The following CELF2 variants were observed in gnomAD, a reference collection of about 807,000 sequenced individuals.
CELF2 encodes the protein CUGBP Elav-like family member 2, also known as CUG triplet repeat RNA-binding protein 2.
Under a neutral mutation model 62.6 loss-of-function variants are expected in CELF2, and 8 were observed. The observed-to-expected ratio is 0.13, with a 90% CI of 0.07 to 0.23. CELF2 has a LOEUF of 0.23. Ranked by LOEUF, CELF2 falls within the 10% of genes least tolerant of loss-of-function variation. The pLI is 1.00. For missense variants in CELF2, 333 were observed against 671.0 expected, an observed-to-expected ratio of 0.50 and a Z score of 5.56; for synonymous variants, 258 against 250.0, an observed-to-expected ratio of 1.03 and a Z score of -0.30.
chr10:10,852,802 C>T (rs553122018), intron 1 of CELF2, among the ~76,000 whole-genome samples: 4 of 152,312 alleles, frequency 2.6e-5, no homozygotes, highest in African/African-American at 9.6e-5. Flanking sequence ...TTTAAACACA[C>T]ACACACCAAG....
At chr10:10,769,567 A>G in the CELF2 span, among the ~76,000 whole-genome samples, 1 of 152,170 alleles carries the variant, frequency 6.6e-6, no homozygotes, top group African/African-American at 2.4e-5. Context: ...GTTCAAGACC[A>G]GCCTGGCCAA....
At chr10:10,682,627 C>A in the CELF2 span, among the ~76,000 whole-genome samples, 1 of 151,948 alleles carries the variant, frequency 6.6e-6, no homozygotes, top group Non-Finnish European at 1.5e-5. Context: ...AAACATTTCT[C>A]TTGTTTCTCT....
upstream of CELF2, chr10:10,796,933 G>C (rs779446265): frequency 2.0e-6 from 2 of 978,450 alleles, no homozygotes; most frequent in Non-Finnish European, 2.4e-6. Context: ...TTTTAGTCTA[G>C]AGACAGTTGC....
chr10:11,165,241 GC>G lies in CELF2; in HGVS notation c.75-244del. 7.5e-7 allele frequency: 1 copy of G among 1,341,094 alleles called. No homozygotes were observed. The highest frequency in any genetic ancestry group is 9.6e-7 in the Non-Finnish European group (1 of 1,043,992). The allele number at this position is 1,341,094 out of a possible 1,614,324, so 83.1% of individuals were successfully genotyped here. A position where few individuals can be genotyped will look rare whatever the true frequency, so the allele number is the denominator to read the frequency against. ...CGCCCTGGGTGACAGGCGGCAGGGC[GC>G]TGCCCCGTGCTCCCCCGGCTCTGCT... is the stretch of plus-strand genomic sequence containing the variant. On this transcript the variant is annotated intron_variant, in intron 1 of 12. Transcript: ENST00000633077. This position sits in a 1 kb window ranked among gnomAD's most constrained non-coding sequence, Gnocchi z 7.4.
At chr10:10,917,604 G>T (rs1268385661) in intron 1 of CELF2, among the ~76,000 whole-genome samples, 2 of 152,166 alleles carry the variant, frequency 1.3e-5, no homozygotes, top group African/African-American at 4.8e-5. Flanking sequence ...GCCTCCCAAA[G>T]TGCTAGGATC....
At position 11,306,002 on chromosome 10, in the gene CELF2, G is replaced by T. The variant is rs2094177643; in HGVS notation, c.977-8137G>T. 6.6e-6 allele frequency among the ~76,000 whole-genome samples: 1 copy of T among 152,144 alleles called. No individual in the cohort carries two copies. Among genetic ancestry groups the T allele is most frequent in the South Asian group, 2.1e-4 (1 of 4,834 alleles). On this transcript the variant is annotated intron_variant, in intron 9 of 12. Transcript: ENST00000633077. The surrounding 1 kb of genome is among the most constrained non-coding windows in gnomAD (Gnocchi z 4.4). ...GATAAAACCATGGCCATCCTTGCCT[G>T]CTCAACCATTCTCTTTCCTGGCACG...
At chr10:11,113,491 G>A (rs1471109179) in intron 1 of CELF2, among the ~76,000 whole-genome samples, 1 of 152,132 alleles carries the variant, frequency 6.6e-6, no homozygotes, top group Non-Finnish European at 1.5e-5. Flanking sequence ...AAAATATGAT[G>A]GACTTTTCTC....
rs2096102886 is a variant in CELF2, at chr10:11,335,511, T to G, written c.*6458T>G. On this transcript the variant is annotated 3_prime_UTR_variant, in exon 13 of 13. Transcript: ENST00000633077. This position sits in a 1 kb window ranked among gnomAD's most constrained non-coding sequence, Gnocchi z 5.0. Reference sequence around the variant, plus strand: ...TCAAGAACAGAGGGGCCTGGCGAGGTGGAGGAAGGGAGGCTCCCTCCCCGG... The same window carrying G: ...TCAAGAACAGAGGGGCCTGGCGAGGGGGAGGAAGGGAGGCTCCCTCCCCGG... 1 of 152,144 alleles carries G rather than the reference T, an allele frequency of 6.6e-6. No homozygotes were observed. The highest frequency in any genetic ancestry group is 1.5e-5 in the Non-Finnish European group (1 of 68,054). The allele number at this position is 152,144 out of a possible 1,614,324, so 9.4% of individuals were successfully genotyped here.
At chr10:10,998,619 T>C (rs1318382617) in intron 2 of CELF2, among the ~76,000 whole-genome samples, 1 of 152,098 alleles carries the variant, frequency 6.6e-6, no homozygotes, top group African/African-American at 2.4e-5. Flanking sequence ...TGTTGATCTC[T>C]GGGGGATCTC....
chr10:10,573,951 A>C, the CELF2 span, among the ~76,000 whole-genome samples: 1 of 152,218 alleles, frequency 6.6e-6, no homozygotes, highest in African/African-American at 2.4e-5. Flanking sequence ...TAAATGCCAA[A>C]GAGAAGTATT....
At chr10:11,281,711 C>T (rs988042858) in intron 8 of CELF2, among the ~76,000 whole-genome samples, 1 of 152,204 alleles carries the variant, frequency 6.6e-6, no homozygotes, top group Non-Finnish European at 1.5e-5. Flanking sequence ...CATAATTTCA[C>T]TCCAGCCCGG....
chr10:10,626,087 T>C, the CELF2 span, among the ~76,000 whole-genome samples: 1 of 152,184 alleles, frequency 6.6e-6, no homozygotes, highest in Non-Finnish European at 1.5e-5. Flanking sequence ...TGCTCCCAAC[T>C]TGAACCAAAA....
rs1484903029 is a variant in CELF2 at position 11,145,609 on chromosome 10, A to C, written c.75-19877A>C. On this transcript the variant is annotated intron_variant, in intron 1 of 12. Coordinates refer to ENST00000633077, the MANE Select transcript of CELF2 (RefSeq NM_001326342.2). The surrounding 1 kb of genome is among the most constrained non-coding windows in gnomAD (Gnocchi z 4.3). ...CTGAAGGCAGGAAGTGGAGAGCGGA[A>C]GTGAGCTGTGGGTGACTGCAGAGAG... is the stretch of plus-strand genomic sequence containing the variant. Among the ~76,000 whole-genome samples, 1 of 152,236 alleles carries C rather than the reference A, an allele frequency of 6.6e-6. No homozygotes were observed. Among genetic ancestry groups the C allele is most frequent in the African/African-American group, 2.4e-5 (1 of 41,464 alleles).
intron 3 of CELF2, among the ~76,000 whole-genome samples, chr10:11,239,947 G>C (rs900899650): frequency 6.6e-6 from 1 of 152,132 alleles, no homozygotes; most frequent in African/African-American, 2.4e-5. Context: ...CAGCTATTCG[G>C]GAGGCTAAGG....
At chr10:11,162,988 C>T (rs1452116741) in intron 1 of CELF2, among the ~76,000 whole-genome samples, 5 of 152,186 alleles carry the variant, frequency 3.3e-5, no homozygotes, top group African/African-American at 1.2e-4. Context: ...GAGAGGTCTC[C>T]AGGCAGCGGT....
At chr10:11,148,930 A>G (rs560965633) in intron 1 of CELF2, among the ~76,000 whole-genome samples, 2 of 152,180 alleles carry the variant, frequency 1.3e-5, no homozygotes, top group African/African-American at 4.8e-5. Flanking sequence ...AAATAGCCTC[A>G]ATAAACCTCA....
Position 11,110,307 on chromosome 10 carries a change from CTACAT to C in CELF2, c.75-55173_75-55169del, listed in dbSNP as rs2054802188. Among the ~76,000 whole-genome samples, 1 of 152,152 alleles carries C rather than the reference CTACAT, an allele frequency of 6.6e-6. No homozygotes were observed. Among genetic ancestry groups the C allele is most frequent in the Admixed American group, 6.5e-5 (1 of 15,268 alleles). On this transcript the variant is annotated intron_variant, in intron 1 of 12. Transcript: ENST00000633077. This position sits in a 1 kb window ranked among gnomAD's most constrained non-coding sequence, Gnocchi z 4.0. ...AAATCTGCTTTTTGTTCTTTTCTAGCTACATTACATCTTTAGATGTATTACTAGAG... is the reference window on the plus strand; with the variant it reads ...AAATCTGCTTTTTGTTCTTTTCTAGCTACATCTTTAGATGTATTACTAGAG...
At chr10:10,616,433 G>C in the CELF2 span, among the ~76,000 whole-genome samples, 1 of 151,766 alleles carries the variant, frequency 6.6e-6, no homozygotes, top group Admixed American at 6.6e-5. Flanking sequence ...GCATTGCTTT[G>C]TATAGAGAAT....
At chr10:10,776,905 C>T in the CELF2 span, among the ~76,000 whole-genome samples, 13 of 152,246 alleles carry the variant, frequency 8.5e-5, 1 homozygote, top group Middle Eastern at 3.2e-3. Context: ...AAGGTCAACA[C>T]GTCCTCCGGA....
Sources: allele counts gnomAD v4.1 joint callset (sites outside exome capture counted in the v4.1 genomes callset), GRCh38; gene constraint gnomAD v4.1.1; non-coding constraint Gnocchi (gnomAD v3.1); transcripts MANE v1.5; gene names NCBI Gene and HGNC (gene_info 2026-07-23, HGNC 2026-07-21).